Variants in SGCZ observed in about 807,000 individuals in gnomAD.
The protein encoded by SGCZ is zeta-sarcoglycan.
A neutral mutation model predicts 41.3 loss-of-function variants in SGCZ; 40 were observed. The ratio of observed to expected loss-of-function variants is 0.97; its 90% CI spans 0.75 to 1.26. SGCZ has a LOEUF of 1.26. Ranked by LOEUF, SGCZ falls within the 50% of genes most tolerant of loss-of-function variation. The pLI is 0.00. For synonymous variants in SGCZ, 206 were observed against 137.5 expected (o/e 1.50, Z -3.49); for missense variants, 552 against 369.8 (o/e 1.49, Z -4.04).
intron 2 of SGCZ, among the ~76,000 whole-genome samples, chr8:14,444,772 C>A (rs921690681): frequency 6.6e-6 from 1 of 151,692 alleles, no homozygotes; most frequent in Non-Finnish European, 1.5e-5. Context: ...TGTAACTAAC[C>A]GGCATATTGG....
At chr8:14,636,388 C>G (rs1240363446) in intron 1 of SGCZ, among the ~76,000 whole-genome samples, 1 of 151,862 alleles carries the variant, frequency 6.6e-6, no homozygotes, top group Non-Finnish European at 1.5e-5. Context: ...AAACAGACAA[C>G]CAGCTAGTCT....
At chr8:14,483,019 C>T (rs1801576998) in intron 2 of SGCZ, among the ~76,000 whole-genome samples, 1 of 151,960 alleles carries the variant, frequency 6.6e-6, no homozygotes, top group African/African-American at 2.4e-5. Flanking sequence ...TATCCTATTG[C>T]TTCTGTTTTC....
intron 1 of SGCZ, among the ~76,000 whole-genome samples, chr8:15,072,253 A>T (rs1805381688): frequency 6.6e-6 from 1 of 151,970 alleles, no homozygotes; most frequent in Non-Finnish European, 1.5e-5. Context: ...TAGGTACAAA[A>T]CTCCTTCATG....
intron 1 of SGCZ, among the ~76,000 whole-genome samples, chr8:15,045,518 T>G (rs1013562460): frequency 2.0e-5 from 3 of 152,042 alleles, no homozygotes; most frequent in African/African-American, 7.2e-5. Flanking sequence ...CCACAGTAAT[T>G]TGGGTTTAAG....
chr8:14,237,719 A>C, intron 3 of SGCZ, 40 bp from the exon 4 acceptor site: 3 of 1,558,520 alleles, frequency 1.9e-6, no homozygotes, highest in Non-Finnish European at 2.6e-6. Context: ...GAAAATAGAA[A>C]TATCGTCAAA....
chr8:15,190,115 T>C (rs554064), intron 1 of SGCZ, among the ~76,000 whole-genome samples: 21,208 of 152,080 alleles, frequency 0.14, 1,625 homozygotes, highest in African/African-American at 0.19. Flanking sequence ...TGGTTTGATG[T>C]CTGCTTTACC....
At chr8:14,164,064 A>C (rs1011435774) in intron 5 of SGCZ, among the ~76,000 whole-genome samples, 1 of 151,868 alleles carries the variant, frequency 6.6e-6, no homozygotes, top group Non-Finnish European at 1.5e-5. Flanking sequence ...GACTTTAGTG[A>C]CCCCAATATT....
At chr8:14,208,620 CTTTTT>C (rs969473762) in intron 4 of SGCZ, among the ~76,000 whole-genome samples, 1 of 150,730 alleles carries the variant, frequency 6.6e-6, no homozygotes, top group African/African-American at 2.4e-5. Flanking sequence ...AGACATTTTT[CTTTTT>C]TTTTGGTGTG....
intron 1 of SGCZ, among the ~76,000 whole-genome samples, chr8:14,992,609 C>A (rs931678116): frequency 3.3e-5 from 5 of 151,114 alleles, no homozygotes; most frequent in African/African-American, 1.2e-4. Flanking sequence ...AATCTACTCC[C>A]AAAACCAGTG....
chr8:14,583,840 T>C (rs537164870), intron 1 of SGCZ, among the ~76,000 whole-genome samples: 2 of 147,224 alleles, frequency 1.4e-5, no homozygotes, highest in Non-Finnish European at 3.0e-5. Flanking sequence ...TATATATATA[T>C]AAACAAATAA....
chr8:14,268,355 G>C (rs1451176296), intron 3 of SGCZ, among the ~76,000 whole-genome samples: 3 of 140,416 alleles, frequency 2.1e-5, no homozygotes, highest in Non-Finnish European at 4.8e-5. Context: ...AAATATATAT[G>C]TGTATATATA....
chr8:14,676,763 A>T (rs375186959), intron 1 of SGCZ, among the ~76,000 whole-genome samples: 19 of 152,216 alleles, frequency 1.2e-4, no homozygotes, highest in African/African-American at 4.6e-4. Flanking sequence ...AAAATCCAAC[A>T]CCTGTTAGTG....
At chr8:14,193,289 A>G (rs1361082421) in intron 4 of SGCZ, among the ~76,000 whole-genome samples, 1 of 151,778 alleles carries the variant, frequency 6.6e-6, no homozygotes, top group Non-Finnish European at 1.5e-5. Context: ...AGCAGAGGCA[A>G]GCACAAATCA....
At chr8:14,401,452 A>C (rs1402249955) in intron 2 of SGCZ, among the ~76,000 whole-genome samples, 1 of 100,518 alleles carries the variant, frequency 9.9e-6, no homozygotes, top group Non-Finnish European at 1.9e-5. Flanking sequence ...CCCACCCCAC[A>C]ACAGTCCTCA....
intron 1 of SGCZ, among the ~76,000 whole-genome samples, chr8:14,766,585 AGT>A (rs1800042158): frequency 6.6e-6 from 1 of 151,940 alleles, no homozygotes; most frequent in Non-Finnish European, 1.5e-5. Flanking sequence ...TTCTTTAGAC[AGT>A]GTTTCATTCT....
intron 1 of SGCZ, among the ~76,000 whole-genome samples, chr8:14,714,485 TA>T (rs1234743504): frequency 2.0e-5 from 3 of 152,194 alleles, no homozygotes; most frequent in Admixed American, 1.3e-4. Context: ...CTATATGGAA[TA>T]TTTTTTTTCA....
intron 2 of SGCZ, among the ~76,000 whole-genome samples, chr8:14,524,445 G>A (rs1405169880): frequency 6.6e-6 from 1 of 151,958 alleles, no homozygotes; most frequent in East Asian, 1.9e-4. Flanking sequence ...CTCTTTATAT[G>A]ACCCTCAGTG....
chr8:14,410,063 C>T (rs962559362), intron 2 of SGCZ, among the ~76,000 whole-genome samples: 2 of 152,066 alleles, frequency 1.3e-5, no homozygotes, highest in Non-Finnish European at 1.5e-5. Flanking sequence ...GTCTGAGCTC[C>T]GCCTCCAGTA....
chr8:15,213,010 A>C (rs1263676879), intron 1 of SGCZ, among the ~76,000 whole-genome samples: 2 of 152,046 alleles, frequency 1.3e-5, no homozygotes, highest in Non-Finnish European at 2.9e-5. Context: ...AATGAATGAA[A>C]AGTGATAAAA....
Sources: allele counts gnomAD v4.1 joint callset (sites outside exome capture counted in the v4.1 genomes callset), GRCh38; gene constraint gnomAD v4.1.1; transcripts MANE v1.5; gene names NCBI Gene and HGNC (gene_info 2026-07-23, HGNC 2026-07-21).